The following MED14 variants were observed in gnomAD, a reference collection of about 807,000 sequenced individuals.
MED14 encodes mediator complex subunit 14, also known as mediator of RNA polymerase II transcription subunit 14.
Under a neutral mutation model 109.0 loss-of-function variants are expected in MED14, and 8 were observed. The observed-to-expected ratio is 0.07, with a 90% CI of 0.04 to 0.13. The LOEUF (loss-of-function observed/expected upper bound fraction) is 0.13, where lower values mean the gene tolerates loss of function less well. Among genes scored for constraint, MED14 ranks in the 10% least tolerant of loss-of-function variants. MED14 has a pLI of 1.00. For synonymous variants in MED14, 399 were observed against 408.7 expected, an observed-to-expected ratio of 0.98 and a Z score of 0.29; for missense variants, 711 against 1,142.4, an observed-to-expected ratio of 0.62 and a Z score of 5.44.
intron 12 of MED14, 57 bp from the exon 13 acceptor site, chrX:40,697,240 C>A (rs5918029): frequency 7.6e-6 from 6 of 787,694 alleles, no homozygotes; most frequent in African/African-American, 4.2e-5. Flanking sequence ...TTATCTGTGC[C>A]CTATCGATTT....
At position 40,703,634 on chromosome X, in the gene MED14, A is replaced by G. The variant is rs1490400087; in HGVS notation, c.1286-65T>C. Reference sequence around the variant, plus strand: ...TATTTTCCAGAAAAATTATTTCTCAATCAATGAGTACAAACAAACCAACTA... The same window carrying G: ...TATTTTCCAGAAAAATTATTTCTCAGTCAATGAGTACAAACAAACCAACTA... On this transcript the variant is annotated intron_variant, in intron 10 of 30. Coordinates refer to ENST00000324817, the MANE Select transcript of MED14 (RefSeq NM_004229.4). 7.7e-6 allele frequency: 7 copies of G among 906,479 alleles called. No homozygotes were observed. In the East Asian group the frequency reaches 2.1e-4, roughly 27 times the overall value. 74.7% of individuals were successfully genotyped at this position (906,479 alleles called of 1,213,427 possible).
intron 28 of MED14, among the ~76,000 whole-genome samples, chrX:40,656,284 C>G (rs960179464): frequency 6.3e-5 from 7 of 111,461 alleles, no homozygotes; most frequent in Non-Finnish European, 9.4e-5. Flanking sequence ...TACCAAAAGT[C>G]AAGTCAAAAC....
intron 10 of MED14, 33 bp from the exon 11 acceptor site, chrX:40,703,602 A>G: frequency 9.5e-7 from 1 of 1,056,267 alleles, no homozygotes; most frequent in Non-Finnish European, 1.3e-6. Flanking sequence ...TTATTTTTCT[A>G]TCTGAATATT....
chrX:40,652,014 C>T (rs1195276773), intron 30 of MED14, 135 bp from the exon 31 acceptor site: 2 of 624,039 alleles, frequency 3.2e-6, no homozygotes, highest in African/African-American at 2.4e-5. Flanking sequence ...TTTAACTGCC[C>T]AGATTATTGG....
In MED14 at chrX:40,659,344, T is replaced by C; in HGVS notation, c.3865-10A>G. The stretch of plus-strand genomic sequence containing the variant: ...ATGGTGGTCCTGCAACCTACAGGGA[T>C]AAATAAAGCAAGTTACTCTTCATTC... On this transcript the variant is annotated splice_polypyrimidine_tract_variant and intron_variant, in intron 27 of 30. Coordinates refer to ENST00000324817, the MANE Select transcript of MED14 (RefSeq NM_004229.4). 1 of 1,173,293 alleles carries C rather than the reference T, an allele frequency of 8.5e-7. No homozygotes were observed. The highest frequency in any genetic ancestry group is 1.2e-6 in the Non-Finnish European group (1 of 869,447).
At chrX:40,681,247 A>G (rs923801007) in intron 19 of MED14, among the ~76,000 whole-genome samples, 31 of 111,913 alleles carry the variant, frequency 2.8e-4, no homozygotes, top group African/African-American at 1.0e-3. Flanking sequence ...TCAACTAAGG[A>G]GCACTGTCAT....
At chrX:40,685,242 G>A (rs1473473501) in intron 16 of MED14, among the ~76,000 whole-genome samples, 1 of 111,843 alleles carries the variant, frequency 8.9e-6, no homozygotes. Context: ...AAATTGAGGA[G>A]CCAGGCTATG....
In MED14 at chrX:40,678,573, G is replaced by A. The variant is rs765944295; in HGVS notation, c.2880+1291C>T. Among the ~76,000 whole-genome samples the A allele has an allele frequency of 1.3e-3, 148 of 111,032 alleles. 1 individual carries two copies. The highest frequency in any genetic ancestry group is 4.7e-3 in the African/African-American group (143 of 30,572). ...AAAGACAAATGTGTTTATGCACTGAGAGCAGCCTGGAAGGGGGAAAGCACA... is the reference window on the plus strand; with the variant it reads ...AAAGACAAATGTGTTTATGCACTGAAAGCAGCCTGGAAGGGGGAAAGCACA... On this transcript the variant is annotated intron_variant, in intron 21 of 30. Transcript: ENST00000324817.
At chrX:40,711,721 C>T (rs1931342679) in intron 7 of MED14, among the ~76,000 whole-genome samples, 1 of 109,216 alleles carries the variant, frequency 9.2e-6, no homozygotes, top group African/African-American at 3.3e-5. Flanking sequence ...TTCCTGGGTT[C>T]AAGCGATTCT....
In MED14 at chrX:40,683,000, G is replaced by A. The variant is rs1602462092; in HGVS notation, c.2058-4C>T. ...TATACCCTTACAGGGAGGAATTCTG[G>A]TGATAAAAGACAGCATATGAAGTAT... On this transcript the variant is annotated splice_polypyrimidine_tract_variant and splice_region_variant and intron_variant, in intron 16 of 30. Coordinates refer to ENST00000324817, the MANE Select transcript of MED14 (RefSeq NM_004229.4). 1 of 1,197,052 alleles carries A rather than the reference G, an allele frequency of 8.4e-7. No individual in the cohort carries two copies.
intron 30 of MED14, among the ~76,000 whole-genome samples, chrX:40,653,704 C>T (rs1280948379): frequency 1.8e-5 from 2 of 111,672 alleles, no homozygotes; most frequent in African/African-American, 3.3e-5. Flanking sequence ...CCAGGAGTTA[C>T]GTGTTAAGTG....
chrX:40,690,090 G>A (rs762444580), intron 15 of MED14, among the ~76,000 whole-genome samples: 81 of 112,049 alleles, frequency 7.2e-4, no homozygotes, highest in Non-Finnish European at 1.2e-3. Context: ...TGCAAAGGTA[G>A]TAACTGAATG....
intron 21 of MED14, among the ~76,000 whole-genome samples, chrX:40,677,835 G>A (rs760212435): frequency 9.0e-6 from 1 of 111,696 alleles, no homozygotes; most frequent in Non-Finnish European, 1.9e-5. Context: ...TTTTCAGACA[G>A]AAAGAGCCCA....
chrX:40,693,799 T>C (rs1206390838), intron 13 of MED14, among the ~76,000 whole-genome samples: 1 of 111,521 alleles, frequency 9.0e-6, no homozygotes, highest in Non-Finnish European at 1.9e-5. Context: ...GGTAACAATA[T>C]TGACAGTTAA....
chrX:40,696,483 T>C (rs144353738), intron 13 of MED14, among the ~76,000 whole-genome samples: 271 of 110,491 alleles, frequency 2.5e-3, no homozygotes, highest in Non-Finnish European at 2.6e-3. Context: ...TGGGTTCATA[T>C]TTAAAATTAT....
intron 3 of MED14, among the ~76,000 whole-genome samples, chrX:40,726,285 A>C (rs1238830689): frequency 1.8e-5 from 2 of 110,233 alleles, no homozygotes; most frequent in African/African-American, 6.6e-5. Context: ...GTAGATAAAC[A>C]AACAGAAAAA....
intron 4 of MED14, among the ~76,000 whole-genome samples, chrX:40,714,309 G>A (rs1056235001): frequency 9.0e-6 from 1 of 111,695 alleles, no homozygotes; most frequent in African/African-American, 3.3e-5. Context: ...CTGCACATCC[G>A]CGCATCCCTG....
intron 16 of MED14, among the ~76,000 whole-genome samples, chrX:40,685,760 A>G (rs1453545312): frequency 8.9e-6 from 1 of 112,327 alleles, no homozygotes; most frequent in East Asian, 2.8e-4. Context: ...ATTTACTATG[A>G]TCCATTTGAT....
intron 11 of MED14, among the ~76,000 whole-genome samples, chrX:40,701,781 A>G (rs1930945663): frequency 8.9e-6 from 1 of 111,910 alleles, no homozygotes; most frequent in Admixed American, 9.5e-5. Context: ...AGCAAAAAAA[A>G]GCAAGATACA....
Sources: gnomAD v4.1 joint callset for allele counts (sites outside exome capture counted in the v4.1 genomes callset) on GRCh38, gnomAD v4.1.1 for gene constraint, MANE v1.5 for transcripts, NCBI Gene and HGNC (gene_info 2026-07-23, HGNC 2026-07-21) for gene names.